The following TUT7 variants were observed in gnomAD, a reference collection of about 807,000 sequenced individuals.
TUT7 encodes the protein terminal uridylyl transferase 7.
A neutral mutation model predicts 165.9 loss-of-function variants in TUT7; 33 were observed. The observed-to-expected ratio is 0.20, with a 90% CI of 0.15 to 0.27. The LOEUF (loss-of-function observed/expected upper bound fraction) is 0.27, where lower values mean the gene tolerates loss of function less well. Ranked by LOEUF, TUT7 falls within the 10% of genes least tolerant of loss-of-function variation. The pLI is 1.00. For synonymous variants in TUT7, 552 were observed against 608.1 expected (o/e 0.91, Z 1.36); for missense variants, 1,338 against 1,762.3 (o/e 0.76, Z 4.31).
At chr9:86,310,104 A>T (rs1483128893) in intron 18 of TUT7, 87 bp from the exon 19 acceptor site, 5 of 1,130,914 alleles carry the variant, frequency 4.4e-6, no homozygotes, top group Non-Finnish European at 6.3e-6. Context: ...TAAATAATGG[A>T]GATGGGATCT....
At chr9:86,321,580 T>C (rs117752109) in intron 14 of TUT7, among the ~76,000 whole-genome samples, 2,947 of 152,082 alleles carry the variant, frequency 0.019, 56 homozygotes, top group Non-Finnish European at 0.029. Context: ...AATATAAGAA[T>C]GAGCTGGGTG....
At chr9:86,331,973 T>C (rs1051357074) in intron 10 of TUT7, among the ~76,000 whole-genome samples, 82 of 152,186 alleles carry the variant, frequency 5.4e-4, no homozygotes, top group African/African-American at 1.8e-3. Context: ...GAAGAAGACA[T>C]ACATGCAGCC....
At chr9:86,293,665 C>G (rs1248209189) in intron 26 of TUT7, among the ~76,000 whole-genome samples, 3 of 152,156 alleles carry the variant, frequency 2.0e-5, no homozygotes, top group East Asian at 3.8e-4. Context: ...TACTTTTAAA[C>G]CTATCATTCT....
intron 2 of TUT7, among the ~76,000 whole-genome samples, chr9:86,350,351 T>A (rs1368263765): frequency 6.6e-6 from 1 of 152,028 alleles, no homozygotes; most frequent in East Asian, 1.9e-4. Context: ...ATAATAATAA[T>A]AAAATGAAAT....
Position 86,310,767 on chromosome 9 carries a change from A to G in TUT7, c.3317T>C (p.Ile1106Thr). 1 of 1,613,414 alleles carries G rather than the reference A, an allele frequency of 6.2e-7. No individual in the cohort carries two copies. The highest frequency in any genetic ancestry group is 8.5e-7 in the Non-Finnish European group (1 of 1,179,354). Residue 1106 changes from isoleucine to threonine, a missense_variant, in exon 18 of 27, where the codon ATT (isoleucine) becomes ACT (threonine). Ile to Thr is a moderately conservative substitution (Grantham distance 89). This residue lies in a region of TUT7 where 157 missense variants were observed against 357.5 expected (regional missense o/e 0.44). Transcript: ENST00000375963. ...ILPITTAKVP[I>T]VKFFHLRSGL... is the part of the protein sequence containing the mutation. ...ACTTCTCAAATGGAAGAACTTCACA[A>G]TTGGCACCTTTGCTGTTGTAATAGG...
rs1827755645 is a variant in TUT7 at position 86,308,750 on chromosome 9, CAT to C, written c.3661-146_3661-145del. On this transcript the variant is annotated intron_variant, in intron 21 of 26. Coordinates refer to ENST00000375963, the MANE Select transcript of TUT7 (RefSeq NM_024617.4). Reference sequence around the variant, plus strand: ...GCAACTTTTCTTTCATATTTAAAAACATAATTTACATAAGTTTATTAATCTCT... The same window carrying C: ...GCAACTTTTCTTTCATATTTAAAAACAATTTACATAAGTTTATTAATCTCT... 8 of 666,084 alleles carry C rather than the reference CAT, an allele frequency of 1.2e-5. No homozygotes were observed. The Admixed American group carries it at 2.8e-4, about 23-fold the overall frequency. The allele number at this position is 666,084 out of a possible 1,614,324, so 41.3% of individuals were successfully genotyped here.
chr9:86,297,885 C>T (rs1362054294), intron 26 of TUT7, among the ~76,000 whole-genome samples: 1 of 151,108 alleles, frequency 6.6e-6, no homozygotes, highest in African/African-American at 2.4e-5. Flanking sequence ...CCTCTGACTT[C>T]ACCTCTACCA....
At chr9:86,344,945 T>C (rs1831628443) in intron 5 of TUT7, 32 bp downstream of exon 5, 3 of 1,566,204 alleles carry the variant, frequency 1.9e-6, no homozygotes, top group South Asian at 1.2e-5. Context: ...TACTTTTAGG[T>C]AGTTAAATAG....
At chr9:86,338,580 A>C (rs1831045139) in intron 9 of TUT7, among the ~76,000 whole-genome samples, 1 of 152,166 alleles carries the variant, frequency 6.6e-6, no homozygotes, top group Non-Finnish European at 1.5e-5. Context: ...TCTGAGATTT[A>C]ACTCACAAAT....
intron 10 of TUT7, among the ~76,000 whole-genome samples, chr9:86,330,628 T>C (rs1463319061): frequency 6.6e-6 from 1 of 152,216 alleles, no homozygotes; most frequent in Non-Finnish European, 1.5e-5. Context: ...TTTTTCTTTA[T>C]TGATTTTAGT....
chr9:86,337,608 A>C, intron 9 of TUT7, 70 bp from the exon 10 acceptor site: 3 of 1,533,550 alleles, frequency 2.0e-6, no homozygotes, highest in Non-Finnish European at 2.6e-6. Context: ...ATTTGGCCTA[A>C]AACCTGTAAC....
intron 20 of TUT7, 84 bp downstream of exon 20, chr9:86,309,379 C>G: frequency 3.5e-6 from 5 of 1,447,402 alleles, no homozygotes; most frequent in Non-Finnish European, 4.7e-6. Context: ...AAATTAACTA[C>G]AGAACCACAG....
Position 86,287,981 on chromosome 9 carries a change from T to C in TUT7, c.*696A>G, listed in dbSNP as rs549053924. ...AGTAAAAAGTACTTTCATTTTATTT[T>C]TCCTTTGAAAATGTTTTTAGTGGCA... On this transcript the variant is annotated 3_prime_UTR_variant, in exon 27 of 27. Transcript: ENST00000375963. The C allele has an allele frequency of 2.0e-5, 3 of 152,364 alleles. No individual in the cohort carries two copies. In the East Asian group the frequency reaches 5.8e-4, roughly 29 times the overall value. 9.4% of individuals were successfully genotyped at this position (152,364 alleles called of 1,614,324 possible).
chr9:86,322,211 A>G, intron 14 of TUT7, 114 bp downstream of exon 14: 1 of 912,396 alleles, frequency 1.1e-6, no homozygotes, highest in Non-Finnish European at 1.7e-6. Flanking sequence ...TGGAGAATGG[A>G]ATAGACTTGG....
At chr9:86,325,718 A>C (rs1448772739) in intron 11 of TUT7, among the ~76,000 whole-genome samples, 3 of 152,222 alleles carry the variant, frequency 2.0e-5, no homozygotes, top group Middle Eastern at 3.2e-3. Context: ...TTAGGATTAG[A>C]GTATGCTATA....
chr9:86,291,966 A>G (rs1182948847), intron 26 of TUT7, among the ~76,000 whole-genome samples: 1 of 152,210 alleles, frequency 6.6e-6, no homozygotes, highest in Non-Finnish European at 1.5e-5. Flanking sequence ...AAATACATAG[A>G]ATATTTTTTA....
At position 86,344,809 on chromosome 9, in the gene TUT7, C is replaced by T. The variant is rs185804216; in HGVS notation, c.997+168G>A. 275 of 624,354 alleles carry T rather than the reference C, an allele frequency of 4.4e-4. No individual in the cohort carries two copies. The Middle Eastern group carries it at 5.6e-3, about 13-fold the overall frequency. 38.7% of individuals were successfully genotyped at this position (624,354 alleles called of 1,614,324 possible). On this transcript the variant is annotated intron_variant, in intron 5 of 26. Transcript: ENST00000375963. The stretch of plus-strand genomic sequence containing the variant: ...TTATAATGACAATGCATATGAAAGT[C>T]CTTGTTACCTTAGGGAAAGCCAGGG...
At position 86,334,979 on chromosome 9, in the gene TUT7, G is replaced by A. The variant is rs899451780; in HGVS notation, c.1455+2440C>T. Among the ~76,000 whole-genome samples the A allele has an allele frequency of 4.6e-5, 7 of 152,116 alleles. 1 individual carries two copies. Among genetic ancestry groups the A allele is most frequent in the African/African-American group, 1.7e-4 (7 of 41,414 alleles). Reference sequence around the variant, plus strand: ...GCATTTGTTCAGTCTGCAGGTTTTTGATGCTGTTGTTTCTGTATGTTGCCC... The same window carrying A: ...GCATTTGTTCAGTCTGCAGGTTTTTAATGCTGTTGTTTCTGTATGTTGCCC... On this transcript the variant is annotated intron_variant, in intron 10 of 26. Transcript: ENST00000375963.
chr9:86,351,219 G>A (rs1832276018), intron 2 of TUT7, among the ~76,000 whole-genome samples: 1 of 151,808 alleles, frequency 6.6e-6, no homozygotes, highest in Admixed American at 6.6e-5. Context: ...GTGGATCACT[G>A]GAGGTTAGGA....
Sources: allele counts gnomAD v4.1 joint callset (sites outside exome capture counted in the v4.1 genomes callset), GRCh38; gene constraint gnomAD v4.1.1; regional missense constraint gnomAD v4.1.1; transcripts MANE v1.5; gene names NCBI Gene and HGNC (gene_info 2026-07-23, HGNC 2026-07-21).